The following CDH6 variants were observed in gnomAD, a reference collection of about 807,000 sequenced individuals.
The protein encoded by CDH6 is cadherin 6.
Under a neutral mutation model 78.0 loss-of-function variants are expected in CDH6, and 31 were observed. The ratio of observed to expected loss-of-function variants is 0.40; its 90% CI spans 0.30 to 0.54. The LOEUF (loss-of-function observed/expected upper bound fraction) is 0.54, where lower values mean the gene tolerates loss of function less well. Among genes scored for constraint, CDH6 ranks in the 20% least tolerant of loss-of-function variants. The probability of loss-of-function intolerance (pLI) is 0.56; values close to 1 mark genes in which losing one functional copy is unlikely to be tolerated. For missense variants in CDH6, 724 were observed against 975.9 expected, an observed-to-expected ratio of 0.74 and a Z score of 3.44; for synonymous variants, 376 against 368.8, an observed-to-expected ratio of 1.02 and a Z score of -0.23.
chr5:31,216,502 A>G (rs540171606), intron 1 of CDH6, among the ~76,000 whole-genome samples: 33 of 152,240 alleles, frequency 2.2e-4, no homozygotes, highest in African/African-American at 7.9e-4. Flanking sequence ...CAAATTGTGT[A>G]TGTATTGCCT....
intron 7 of CDH6, among the ~76,000 whole-genome samples, chr5:31,312,269 G>A (rs1158067415): frequency 6.6e-6 from 1 of 152,170 alleles, no homozygotes; most frequent in Non-Finnish European, 1.5e-5. Flanking sequence ...TAGCAAAAAT[G>A]GAACTTACCC....
intron 1 of CDH6, among the ~76,000 whole-genome samples, chr5:31,233,410 G>A (rs1258148468): frequency 6.6e-6 from 1 of 151,648 alleles, no homozygotes; most frequent in Non-Finnish European, 1.5e-5. Context: ...AGCTACTCAG[G>A]AGGCCGAGGT....
At chr5:31,254,721 T>A (rs1455398613) in intron 1 of CDH6, among the ~76,000 whole-genome samples, 4 of 152,264 alleles carry the variant, frequency 2.6e-5, no homozygotes, top group Non-Finnish European at 5.9e-5. Flanking sequence ...GTGCGCATTT[T>A]ATTTCTCCAA....
intron 7 of CDH6, among the ~76,000 whole-genome samples, chr5:31,309,085 C>G (rs552059219): frequency 6.6e-6 from 1 of 152,170 alleles, no homozygotes; most frequent in African/African-American, 2.4e-5. Flanking sequence ...AATATTGATT[C>G]ATGACATAAA....
chr5:31,237,987 A>G (rs1450273219), intron 1 of CDH6, among the ~76,000 whole-genome samples: 1 of 152,148 alleles, frequency 6.6e-6, no homozygotes, highest in Non-Finnish European at 1.5e-5. Flanking sequence ...AATGCCTAGT[A>G]CCTAAAAGAT....
intron 2 of CDH6, among the ~76,000 whole-genome samples, chr5:31,293,638 G>A (rs1442789397): frequency 6.6e-6 from 1 of 152,090 alleles, no homozygotes; most frequent in Non-Finnish European, 1.5e-5. Flanking sequence ...ATCGTGAAAA[G>A]AGTCTCATTC....
intron 2 of CDH6, among the ~76,000 whole-genome samples, chr5:31,277,591 G>A (rs1391267355): frequency 6.6e-6 from 1 of 152,016 alleles, no homozygotes; most frequent in Non-Finnish European, 1.5e-5. Flanking sequence ...GTTGAACTTT[G>A]ACCTTAAATA....
At chr5:31,279,897 C>A (rs1441697581) in intron 2 of CDH6, among the ~76,000 whole-genome samples, 1 of 152,170 alleles carries the variant, frequency 6.6e-6, no homozygotes, top group Non-Finnish European at 1.5e-5. Context: ...CAAAGGGCAG[C>A]TATTTAGCTT....
chr5:31,209,388 A>C (rs1740629275), intron 1 of CDH6, among the ~76,000 whole-genome samples: 1 of 152,176 alleles, frequency 6.6e-6, no homozygotes, highest in Admixed American at 6.5e-5. Flanking sequence ...TCTTATTAAT[A>C]CAAGTGATCT....
chr5:31,309,663 C>T (rs1738089824), intron 7 of CDH6, among the ~76,000 whole-genome samples: 1 of 117,874 alleles, frequency 8.5e-6, no homozygotes, highest in South Asian at 2.9e-4. Flanking sequence ...CTATAAAGAA[C>T]TACCTGAGAC....
chr5:31,194,232 C>T (rs1213433375), intron 1 of CDH6, among the ~76,000 whole-genome samples: 1 of 152,222 alleles, frequency 6.6e-6, no homozygotes, highest in Non-Finnish European at 1.5e-5. Context: ...CCGGCAGAGG[C>T]TGCCAGGGGA....
At chr5:31,252,206 C>A (rs956396825) in intron 1 of CDH6, among the ~76,000 whole-genome samples, 1 of 152,048 alleles carries the variant, frequency 6.6e-6, no homozygotes, top group Non-Finnish European at 1.5e-5. Context: ...CCATGGATAC[C>A]TGGTTTTTAT....
Position 31,329,077 on chromosome 5 carries a change from G to A in CDH6, c.*5769G>A. 1 of 204,008 alleles carries A rather than the reference G, an allele frequency of 4.9e-6. No individual in the cohort carries two copies. The highest frequency in any genetic ancestry group is 1.0e-5 in the Non-Finnish European group (1 of 99,760). The allele number at this position is 204,008 out of a possible 1,614,324, so 12.6% of individuals were successfully genotyped here. On this transcript the variant is annotated 3_prime_UTR_variant, in exon 12 of 12. Coordinates refer to ENST00000265071, the MANE Select transcript of CDH6 (RefSeq NM_004932.4). ...GTGATTTCTCACAAAGAGTAAATATGCCTTTTGCAAATCAATTTTTGTAAC... is the reference window on the plus strand; with the variant it reads ...GTGATTTCTCACAAAGAGTAAATATACCTTTTGCAAATCAATTTTTGTAAC...
At chr5:31,261,949 T>C (rs971146880) in intron 1 of CDH6, among the ~76,000 whole-genome samples, 3 of 152,222 alleles carry the variant, frequency 2.0e-5, no homozygotes, top group African/African-American at 7.2e-5. Context: ...TATTAATTAT[T>C]TGCGAATAAA....
At chr5:31,236,742 T>A (rs950459917) in intron 1 of CDH6, among the ~76,000 whole-genome samples, 4 of 152,188 alleles carry the variant, frequency 2.6e-5, no homozygotes, top group African/African-American at 9.7e-5. Flanking sequence ...GCTGTGAACC[T>A]GTTTTGATCA....
intron 1 of CDH6, among the ~76,000 whole-genome samples, chr5:31,210,453 G>T (rs1164207093): frequency 1.3e-5 from 2 of 152,076 alleles, no homozygotes; most frequent in Admixed American, 6.5e-5. Context: ...GCAGTGAGCC[G>T]AGATCACGCC....
At chr5:31,219,674 A>G (rs931028999) in intron 1 of CDH6, among the ~76,000 whole-genome samples, 11 of 152,104 alleles carry the variant, frequency 7.2e-5, no homozygotes, top group Non-Finnish European at 1.2e-4. Flanking sequence ...ATATTGTCCA[A>G]TTTCCCCTGA....
At chr5:31,281,721 C>A (rs1026176057) in intron 2 of CDH6, among the ~76,000 whole-genome samples, 3 of 152,130 alleles carry the variant, frequency 2.0e-5, no homozygotes, top group Non-Finnish European at 2.9e-5. Context: ...TCATTTGTGG[C>A]AGTAGAATTT....
At chr5:31,201,635 C>T (rs561512933) in intron 1 of CDH6, among the ~76,000 whole-genome samples, 1 of 152,056 alleles carries the variant, frequency 6.6e-6, no homozygotes, top group Non-Finnish European at 1.5e-5. Flanking sequence ...AATGTCAATC[C>T]TCTCCCCTTT....
Sources: allele counts gnomAD v4.1 joint callset (sites outside exome capture counted in the v4.1 genomes callset), GRCh38; gene constraint gnomAD v4.1.1; transcripts MANE v1.5; gene names NCBI Gene and HGNC (gene_info 2026-07-23, HGNC 2026-07-21).